TDG: variants seen among roughly 807,000 people sequenced by gnomAD.
TDG encodes the protein thymine DNA glycosylase, also known as G/T mismatch-specific thymine DNA glycosylase.
Under a neutral mutation model 46.1 loss-of-function variants are expected in TDG, and 23 were observed. That is an observed-to-expected ratio of 0.50 (90% CI 0.36 to 0.71). The LOEUF (loss-of-function observed/expected upper bound fraction) is 0.71, where lower values mean the gene tolerates loss of function less well. Among genes scored for constraint, TDG ranks in the 30% least tolerant of loss-of-function variants. TDG has a pLI of 0.00. For missense variants in TDG, 304 were observed against 486.7 expected (o/e 0.62, Z 3.53); for synonymous variants, 115 against 161.3 (o/e 0.71, Z 2.18).
chr12:103,986,894 A>T (rs1872179267), intron 9 of TDG, 54 bp from the exon 10 acceptor site: 1 of 1,596,664 alleles, frequency 6.3e-7, no homozygotes. Flanking sequence ...CTACTTTAAA[A>T]AAAGCAAATA....
rs572048136 is a variant in TDG at position 103,976,205 on chromosome 12, G to A, written c.24-713G>A. ...AGATCTCTTGAGCTCAGAAGTTCAAGACCAGCCTGGCCAACATGGCAAAAC... is the reference window on the plus strand; with the variant it reads ...AGATCTCTTGAGCTCAGAAGTTCAAAACCAGCCTGGCCAACATGGCAAAAC... On this transcript the variant is annotated intron_variant, in intron 1 of 9. Transcript: ENST00000392872. Among the ~76,000 whole-genome samples the A allele has an allele frequency of 2.7e-5, 4 of 150,678 alleles. No individual in the cohort carries two copies. The East Asian group carries it at 8.1e-4, about 31-fold the overall frequency.
At chr12:103,982,139 A>G (rs923856419) in intron 4 of TDG, among the ~76,000 whole-genome samples, 2 of 152,248 alleles carry the variant, frequency 1.3e-5, no homozygotes, top group African/African-American at 2.4e-5. Context: ...TGTATGCAGT[A>G]TACGCTCAGG....
In TDG at chr12:103,971,006, A is replaced by G. The variant is rs190792926; in HGVS notation, c.23+4946A>G. On this transcript the variant is annotated intron_variant, in intron 1 of 9. Coordinates refer to ENST00000392872, the MANE Select transcript of TDG (RefSeq NM_003211.6). ...AGAATGCAGGATGACAGCTACTTAC[A>G]TAGCATTTACATTGTATTAGGTATT... Among the ~76,000 whole-genome samples, 240 of 152,328 alleles carry G rather than the reference A, an allele frequency of 1.6e-3. 3 individuals carry two copies. The highest frequency in any genetic ancestry group is 0.014 in the Admixed American group (216 of 15,298).
intron 4 of TDG, 105 bp from the exon 5 acceptor site, chr12:103,982,694 G>T: frequency 6.1e-6 from 7 of 1,153,714 alleles, no homozygotes; most frequent in Non-Finnish European, 8.6e-6. Context: ...GAGCCTCGGT[G>T]GTCGAGGCTG....
At position 103,982,720 on chromosome 12, in the gene TDG, G is replaced by A. The variant is rs4135112; in HGVS notation, c.479-79G>A. The stretch of plus-strand genomic sequence containing the variant: ...GTCGAGGCTGCACTGAGCCATGATC[G>A]TGCCACTACACTCTAGCCTGGGTGA... On this transcript the variant is annotated intron_variant, in intron 4 of 9. Coordinates refer to ENST00000392872, the MANE Select transcript of TDG (RefSeq NM_003211.6). The A allele has an allele frequency of 1.4e-3, 2,135 of 1,480,954 alleles. 18 individuals carry two copies. The African/African-American group carries it at 0.024, about 17-fold the overall frequency. 91.7% of individuals were successfully genotyped at this position (1,480,954 alleles called of 1,614,324 possible).
rs1393556195 is a variant in TDG, at chr12:103,983,186, A to G, written c.665A>G (p.Tyr222Cys). The G allele has an allele frequency of 2.5e-6, 4 of 1,607,618 alleles. No individual in the cohort carries two copies. The highest frequency in any genetic ancestry group is 1.3e-5 in the African/African-American group (1 of 74,766). The change falls in exon 6 of 10, where the codon TAT (tyrosine) becomes TGT (cysteine). Residue 222 changes from tyrosine (Y) to cysteine (C), a missense_variant. By Grantham distance (194) the Tyr-to-Cys change is radical (BLOSUM62 -2). Coordinates refer to ENST00000392872, the MANE Select transcript of TDG (RefSeq NM_003211.6). Reference protein sequence around the residue: ...GRILVQKLQKYQPRIAVFNGK... With the variant: ...GRILVQKLQKCQPRIAVFNGK... Reference sequence around the variant, plus strand: ...ATTCTAGTACAGAAATTACAGAAATATCAGCCACGAATAGCAGTGTTTAAT... The same window carrying G: ...ATTCTAGTACAGAAATTACAGAAATGTCAGCCACGAATAGCAGTGTTTAAT...
intron 1 of TDG, 114 bp downstream of exon 1, chr12:103,966,174 C>T (rs964122650): frequency 6.7e-5 from 89 of 1,321,000 alleles, no homozygotes; most frequent in South Asian, 8.0e-5. Flanking sequence ...ATACAAAGGC[C>T]GGGGCCGCGC....
At chr12:103,971,849 G>GTCCACATA (rs892470420) in intron 1 of TDG, among the ~76,000 whole-genome samples, 1 of 152,074 alleles carries the variant, frequency 6.6e-6, no homozygotes, top group African/African-American at 2.4e-5. Flanking sequence ...CCTATACATT[G>GTCCACATA]TCCACATATG....
At chr12:103,968,717 T>G (rs889132979) in intron 1 of TDG, among the ~76,000 whole-genome samples, 1 of 152,254 alleles carries the variant, frequency 6.6e-6, no homozygotes, top group Admixed American at 6.5e-5. Flanking sequence ...GTAGCAAATG[T>G]AAGGGACCTG....
intron 1 of TDG, among the ~76,000 whole-genome samples, chr12:103,975,179 G>A (rs953286309): frequency 1.3e-5 from 2 of 152,112 alleles, no homozygotes; most frequent in Non-Finnish European, 2.9e-5. Context: ...ATGAGATAGT[G>A]GTTTAAGGCC....
At chr12:103,974,400 C>T (rs1443481034) in intron 1 of TDG, among the ~76,000 whole-genome samples, 1 of 152,094 alleles carries the variant, frequency 6.6e-6, no homozygotes, top group Non-Finnish European at 1.5e-5. Flanking sequence ...CCTCACCCTC[C>T]TGAGCAGCTG....
At chr12:103,977,434 G>T (rs891235150) in intron 2 of TDG, among the ~76,000 whole-genome samples, 1 of 152,154 alleles carries the variant, frequency 6.6e-6, no homozygotes, top group African/African-American at 2.4e-5. Flanking sequence ...CTCCAACAAT[G>T]TGGAGGCTTC....
chr12:103,968,056 C>G (rs1412748349), intron 1 of TDG: 1 of 148,994 alleles, frequency 6.7e-6, no homozygotes, highest in African/African-American at 2.5e-5. Flanking sequence ...TCTTGAACTC[C>G]TGGCTTCAAG....
chr12:103,974,823 A>G (rs562201360), intron 1 of TDG, among the ~76,000 whole-genome samples: 2 of 152,068 alleles, frequency 1.3e-5, no homozygotes, highest in East Asian at 3.9e-4. Flanking sequence ...ATAAAAAAAA[A>G]TTAGCTGGGT....
chr12:103,975,610 A>G (rs1871496518), intron 1 of TDG, among the ~76,000 whole-genome samples: 1 of 152,138 alleles, frequency 6.6e-6, no homozygotes, highest in Non-Finnish European at 1.5e-5. Context: ...CTCTCCTGTG[A>G]TAATAGCATT....
chr12:103,974,350 C>G (rs4135075), intron 1 of TDG, among the ~76,000 whole-genome samples: 2 of 152,230 alleles, frequency 1.3e-5, no homozygotes, highest in East Asian at 3.9e-4. Flanking sequence ...GATCATCGCT[C>G]ACTGTAACCT....
intron 1 of TDG, chr12:103,972,833 T>G: frequency 2.2e-6 from 1 of 464,398 alleles, no homozygotes; most frequent in Non-Finnish European, 3.8e-6. Context: ...ATTTTCAGCT[T>G]CTGAACCCCA....
At chr12:103,977,318 G>A (rs1221166287) in intron 2 of TDG, among the ~76,000 whole-genome samples, 2 of 152,150 alleles carry the variant, frequency 1.3e-5, no homozygotes, top group East Asian at 3.8e-4. Context: ...TAGTGAAGAG[G>A]GGCATAGAAT....
In TDG at chr12:103,987,338, C is replaced by T. The variant is rs1872218148; in HGVS notation, c.*248C>T. 1 of 456,688 alleles carries T rather than the reference C, an allele frequency of 2.2e-6. No homozygotes were observed. The highest frequency in any genetic ancestry group is 1.9e-5 in the African/African-American group (1 of 52,534). 28.3% of individuals were successfully genotyped at this position (456,688 alleles called of 1,614,324 possible). A position where few individuals can be genotyped will look rare whatever the true frequency, so the allele number is the denominator to read the frequency against. ...TTCCAGCTTTTTATATACTATATTT[C>T]ATTTATGAAGAAATTGATTTTCTTT... is the stretch of plus-strand genomic sequence containing the variant. On this transcript the variant is annotated 3_prime_UTR_variant, in exon 10 of 10. Transcript: ENST00000392872.
Sources: allele counts gnomAD v4.1 joint callset (sites outside exome capture counted in the v4.1 genomes callset), GRCh38; gene constraint gnomAD v4.1.1; transcripts MANE v1.5; gene names NCBI Gene and HGNC (gene_info 2026-07-23, HGNC 2026-07-21).